The following SETBP1 variants were observed in gnomAD, a reference collection of about 807,000 sequenced individuals.
SETBP1 encodes the protein SET binding protein 1.
A neutral mutation model predicts 101.0 loss-of-function variants in SETBP1; 9 were observed. That is an observed-to-expected ratio of 0.09 (90% CI 0.05 to 0.16). The LOEUF is 0.16. Among genes scored for constraint, SETBP1 ranks in the 10% least tolerant of loss-of-function variants. The probability of loss-of-function intolerance (pLI) is 1.00; values close to 1 mark genes in which losing one functional copy is unlikely to be tolerated. For synonymous variants in SETBP1, 818 were observed against 788.5 expected, an observed-to-expected ratio of 1.04 and a Z score of -0.63; for missense variants, 1,858 against 2,033.8, an observed-to-expected ratio of 0.91 and a Z score of 1.66.
At chr18:44,755,193 G>A (rs2144556707) in intron 2 of SETBP1, among the ~76,000 whole-genome samples, 1 of 152,338 alleles carries the variant, frequency 6.6e-6, no homozygotes, top group South Asian at 2.1e-4. Flanking sequence ...AATGAGAAGG[G>A]AGGAAATTCA....
At chr18:45,014,682 A>G (rs1029745916) in intron 4 of SETBP1, among the ~76,000 whole-genome samples, 4 of 152,154 alleles carry the variant, frequency 2.6e-5, no homozygotes, top group Admixed American at 1.3e-4. Context: ...CTTTGTAGCC[A>G]GGTTGCATGC....
intron 2 of SETBP1, among the ~76,000 whole-genome samples, chr18:44,841,727 A>T (rs1240042069): frequency 6.6e-6 from 1 of 152,196 alleles, no homozygotes; most frequent in Non-Finnish European, 1.5e-5. Context: ...TCAGCATCCA[A>T]GGAAGGGCCC....
chr18:44,923,628 A>G (rs1489176007), intron 3 of SETBP1, among the ~76,000 whole-genome samples: 1 of 152,252 alleles, frequency 6.6e-6, no homozygotes, highest in Non-Finnish European at 1.5e-5. Context: ...AAAATTAAGT[A>G]GAATTAAGCA....
chr18:44,755,470 A>G (rs935760500), intron 2 of SETBP1, among the ~76,000 whole-genome samples: 1 of 150,484 alleles, frequency 6.6e-6, no homozygotes, highest in Non-Finnish European at 1.5e-5. Context: ...CTCTCTTCGC[A>G]GTGGGACACC....
intron 2 of SETBP1, among the ~76,000 whole-genome samples, chr18:44,855,033 G>T (rs1293658984): frequency 6.6e-6 from 1 of 152,014 alleles, no homozygotes; most frequent in Non-Finnish European, 1.5e-5. Context: ...ATACCAGATG[G>T]CTCACTCCCT....
At chr18:44,781,502 C>T (rs981101644) in intron 2 of SETBP1, among the ~76,000 whole-genome samples, 22 of 148,556 alleles carry the variant, frequency 1.5e-4, no homozygotes, top group African/African-American at 5.2e-4. Flanking sequence ...TCTCCCTCTC[C>T]CCCCCACCCC....
intron 3 of SETBP1, among the ~76,000 whole-genome samples, chr18:44,872,758 G>A (rs919114354): frequency 2.6e-5 from 4 of 152,248 alleles, no homozygotes; most frequent in East Asian, 1.9e-4. Context: ...ACATGCTTAC[G>A]AGGTGGGGGA....
At chr18:45,002,257 G>A (rs2072632750) in intron 4 of SETBP1, among the ~76,000 whole-genome samples, 1 of 151,802 alleles carries the variant, frequency 6.6e-6, no homozygotes, top group African/African-American at 2.4e-5. Flanking sequence ...GGCAAAGAGT[G>A]GAAGATGGTG....
chr18:44,900,443 C>T (rs2070016403), intron 3 of SETBP1, among the ~76,000 whole-genome samples: 1 of 152,182 alleles, frequency 6.6e-6, no homozygotes, highest in Non-Finnish European at 1.5e-5. Flanking sequence ...CACCTCAAAG[C>T]TTTTCTGCTT....
chr18:45,010,174 A>G (rs1340616715), intron 4 of SETBP1, among the ~76,000 whole-genome samples: 4 of 152,174 alleles, frequency 2.6e-5, no homozygotes, highest in Non-Finnish European at 5.9e-5. Flanking sequence ...TTTGACATGA[A>G]CTGCTGTGGC....
Position 44,909,038 on chromosome 18 carries a change from C to A in SETBP1, c.540+39755C>A, listed in dbSNP as rs141330394. On this transcript the variant is annotated intron_variant, in intron 3 of 5. Coordinates refer to ENST00000649279, the MANE Select transcript of SETBP1 (RefSeq NM_015559.3). ...GACCTTTCCCAGCTTACACAAGGAC[C>A]AGATTGGTTCTACTGCCAGGTACCT... Among the ~76,000 whole-genome samples the A allele has an allele frequency of 4.9e-3, 747 of 152,202 alleles. 7 individuals are homozygous for A. Among genetic ancestry groups the A allele is most frequent in the African/African-American group, 0.017 (720 of 41,508 alleles).
chr18:44,842,948 G>A (rs1253835609), intron 2 of SETBP1, among the ~76,000 whole-genome samples: 1 of 152,204 alleles, frequency 6.6e-6, no homozygotes, highest in Admixed American at 6.5e-5. Context: ...AGAGCCATGG[G>A]GGGACTCCTG....
At chr18:44,958,761 A>C (rs185499708) in intron 4 of SETBP1, among the ~76,000 whole-genome samples, 1 of 152,274 alleles carries the variant, frequency 6.6e-6, no homozygotes, top group Admixed American at 6.5e-5. Flanking sequence ...AAAGGTAAGC[A>C]TCTCTTTGAC....
intron 4 of SETBP1, among the ~76,000 whole-genome samples, chr18:45,005,160 A>T (rs769608622): frequency 1.3e-5 from 2 of 152,238 alleles, no homozygotes; most frequent in Admixed American, 1.3e-4. Context: ...ATACAACCTC[A>T]TGTACTACAT....
chr18:44,762,279 C>T (rs573539650), intron 2 of SETBP1, among the ~76,000 whole-genome samples: 1 of 152,322 alleles, frequency 6.6e-6, no homozygotes, highest in East Asian at 1.9e-4. Flanking sequence ...AGGAGCTCTT[C>T]CTTGACAGCA....
At chr18:44,710,892 C>A (rs1047632581) in intron 2 of SETBP1, among the ~76,000 whole-genome samples, 2 of 152,152 alleles carry the variant, frequency 1.3e-5, no homozygotes. Context: ...CTGATCACTC[C>A]CCTATGGAGC....
intron 4 of SETBP1, among the ~76,000 whole-genome samples, chr18:44,956,101 G>A (rs534062290): frequency 1.2e-4 from 18 of 152,206 alleles, no homozygotes; most frequent in African/African-American, 4.1e-4. Context: ...AATCATAATT[G>A]TTGGTGGCTG....
intron 2 of SETBP1, among the ~76,000 whole-genome samples, chr18:44,760,247 C>T (rs2070608525): frequency 6.6e-6 from 1 of 152,200 alleles, no homozygotes; most frequent in African/African-American, 2.4e-5. Flanking sequence ...ATAGAGGCCT[C>T]CTCTCATCAG....
intron 3 of SETBP1, among the ~76,000 whole-genome samples, chr18:44,935,964 G>T (rs1246781813): frequency 6.6e-6 from 1 of 152,216 alleles, no homozygotes. Context: ...AGACAAGAAT[G>T]TGTTATGTTT....
Sources: gnomAD v4.1 joint callset for allele counts (sites outside exome capture counted in the v4.1 genomes callset) on GRCh38, gnomAD v4.1.1 for gene constraint, MANE v1.5 for transcripts, NCBI Gene and HGNC (gene_info 2026-07-23, HGNC 2026-07-21) for gene names.